The following SASH1 variants were observed in gnomAD, a reference collection of about 807,000 sequenced individuals.
The protein encoded by SASH1 is SAM and SH3 domain-containing protein 1.
SASH1 carries 44 observed loss-of-function variants against 125.2 expected under a neutral mutation model. The observed-to-expected ratio is 0.35, with a 90% CI of 0.28 to 0.45. The LOEUF (loss-of-function observed/expected upper bound fraction) is 0.45. Among genes scored for constraint, SASH1 ranks in the 20% least tolerant of loss-of-function variants. The pLI, the probability that SASH1 is intolerant of heterozygous loss-of-function variation, is 1.00. For missense variants in SASH1, 1,426 were observed against 1,614.5 expected, an observed-to-expected ratio of 0.88 and a Z score of 2.00; for synonymous variants, 639 against 649.1, an observed-to-expected ratio of 0.98 and a Z score of 0.24.
At chr6:148,503,290 A>G (rs958415085) in intron 8 of SASH1, among the ~76,000 whole-genome samples, 5 of 150,896 alleles carry the variant, frequency 3.3e-5, no homozygotes, top group African/African-American at 1.2e-4. Flanking sequence ...TTACCCGTCA[A>G]TTCTACAGTC....
upstream of SASH1, among the ~76,000 whole-genome samples, chr6:148,267,924 G>A (rs1156734464): frequency 2.0e-5 from 3 of 152,156 alleles, no homozygotes; most frequent in African/African-American, 7.2e-5. Context: ...AGTTGGAAGG[G>A]ATGTTGTTTA....
chr6:148,300,442 A>ATTTT (rs34126353), intron 1 of SASH1, among the ~76,000 whole-genome samples: 75 of 108,328 alleles, frequency 6.9e-4, no homozygotes, highest in African/African-American at 2.7e-3. Context: ...CAGAAACAAG[A>ATTTT]TTTTTTTTTT....
At chr6:148,473,959 T>G (rs1242209743) in intron 6 of SASH1, 151 bp from the exon 7 acceptor site, 2 of 553,150 alleles carry the variant, frequency 3.6e-6, no homozygotes, top group East Asian at 3.1e-5. Context: ...GCAGCATATT[T>G]TTGCCACCCT....
intron 2 of SASH1, among the ~76,000 whole-genome samples, chr6:148,413,615 C>G (rs6929754): frequency 0.12 from 18,356 of 152,248 alleles, 1,266 homozygotes; most frequent in Admixed American, 0.22. Flanking sequence ...TCATTGTGCT[C>G]TTAGCACCTA....
At chr6:148,341,942 T>C (rs1042143691), upstream of SASH1, among the ~76,000 whole-genome samples, 1 of 151,984 alleles carries the variant, frequency 6.6e-6, no homozygotes, top group African/African-American at 2.4e-5. Context: ...AAAAATCACC[T>C]CTCCAGGGCT....
chr6:148,330,742 C>T (rs1188200334), intron 1 of SASH1, among the ~76,000 whole-genome samples: 1 of 152,124 alleles, frequency 6.6e-6, no homozygotes, highest in African/African-American at 2.4e-5. Flanking sequence ...CCTGCCACCA[C>T]GACCGGCTAA....
At chr6:148,249,587 T>TA in the SASH1 span, among the ~76,000 whole-genome samples, 1 of 152,296 alleles carries the variant, frequency 6.6e-6, no homozygotes, top group Admixed American at 6.5e-5. Flanking sequence ...CGATTTACCT[T>TA]ACCTCCCTAC....
chr6:148,470,038 AAAAG>A (rs1323636268), intron 5 of SASH1, among the ~76,000 whole-genome samples: 3 of 151,794 alleles, frequency 2.0e-5, no homozygotes, highest in African/African-American at 7.3e-5. Context: ...TAAAAAAAAA[AAAAG>A]AAAGAAAAAG....
At chr6:148,448,115 AGT>A (rs34309514) in intron 4 of SASH1, among the ~76,000 whole-genome samples, 157 of 146,900 alleles carry the variant, frequency 1.1e-3, no homozygotes, top group South Asian at 7.6e-3. Context: ...CAGTGGAGAG[AGT>A]GTGTGTGTGT....
chr6:148,542,617 G>T (rs1782287593), intron 17 of SASH1, among the ~76,000 whole-genome samples: 1 of 152,302 alleles, frequency 6.6e-6, no homozygotes, highest in East Asian at 1.9e-4. Flanking sequence ...TCGATCTCCT[G>T]ACCTCGTGAT....
At chr6:148,525,405 G>A (rs1288615973) in intron 11 of SASH1, 40 bp downstream of exon 11, 3 of 1,446,550 alleles carry the variant, frequency 2.1e-6, no homozygotes, top group Admixed American at 3.3e-5. Context: ...ATGGATTCAG[G>A]CGATGAGGTT....
chr6:148,233,491 T>C, the SASH1 span, among the ~76,000 whole-genome samples: 1 of 152,082 alleles, frequency 6.6e-6, no homozygotes, highest in Non-Finnish European at 1.5e-5. Flanking sequence ...ATGTACTATG[T>C]GCCAATCATT....
chr6:148,317,857 T>C (rs926858219), intron 1 of SASH1, among the ~76,000 whole-genome samples: 1 of 152,206 alleles, frequency 6.6e-6, no homozygotes, highest in Admixed American at 6.5e-5. Flanking sequence ...ATCTCAACCT[T>C]TAGCAACGCA....
upstream of SASH1, among the ~76,000 whole-genome samples, chr6:148,270,770 A>G (rs906430879): frequency 2.0e-5 from 3 of 152,182 alleles, no homozygotes; most frequent in Non-Finnish European, 4.4e-5. Context: ...GATTTTAGAT[A>G]TCTTCAACCT....
chr6:148,454,209 G>T (rs1777232903), intron 4 of SASH1, among the ~76,000 whole-genome samples: 1 of 152,164 alleles, frequency 6.6e-6, no homozygotes, highest in South Asian at 2.1e-4. Context: ...CAGGACTGAG[G>T]AGCTGAGGAG....
chr6:148,474,027 C>A, intron 6 of SASH1, 83 bp from the exon 7 acceptor site: 1 of 869,914 alleles, frequency 1.1e-6, no homozygotes, highest in Non-Finnish European at 1.9e-6. Flanking sequence ...CTTCTCTAGC[C>A]CGAGACAGCA....
At chr6:148,258,631 C>A in the SASH1 span, among the ~76,000 whole-genome samples, 1 of 152,144 alleles carries the variant, frequency 6.6e-6, no homozygotes, top group Non-Finnish European at 1.5e-5. Context: ...GAAAAGGGAA[C>A]CACAGAAATA....
chr6:148,368,770 G>GCACGCGCGCACACACACACA (rs1554245333), intron 1 of SASH1, among the ~76,000 whole-genome samples: 2 of 135,642 alleles, frequency 1.5e-5, no homozygotes, highest in African/African-American at 2.7e-5. Flanking sequence ...GCACGCGCGC[G>GCACGCGCGCACACACACACA]CACACACACA....
upstream of SASH1, among the ~76,000 whole-genome samples, chr6:148,270,491 A>G (rs1012537539): frequency 6.6e-6 from 1 of 152,088 alleles, no homozygotes; most frequent in Non-Finnish European, 1.5e-5. Flanking sequence ...TTCCCTAAAA[A>G]CCTGTCAACC....
Sources: allele counts gnomAD v4.1 joint callset (sites outside exome capture counted in the v4.1 genomes callset), GRCh38; gene constraint gnomAD v4.1.1; transcripts MANE v1.5; gene names NCBI Gene and HGNC (gene_info 2026-07-23, HGNC 2026-07-21).